UBR1: variants seen among roughly 807,000 people sequenced by gnomAD.
UBR1 encodes ubiquitin protein ligase E3 component n-recognin 1, also known as E3 ubiquitin-protein ligase UBR1.
UBR1 carries 102 observed loss-of-function variants against 242.1 expected under a neutral mutation model. The observed-to-expected ratio is 0.42, with a 90% CI of 0.36 to 0.50. The LOEUF (loss-of-function observed/expected upper bound fraction) is 0.50. Ranked by LOEUF, UBR1 falls within the 20% of genes least tolerant of loss-of-function variation. The pLI, the probability that UBR1 is intolerant of heterozygous loss-of-function variation, is 0.01. For synonymous variants in UBR1, 675 were observed against 684.8 expected (o/e 0.99, Z 0.22); for missense variants, 1,772 against 2,101.8 (o/e 0.84, Z 3.07).
intron 12 of UBR1, among the ~76,000 whole-genome samples, chr15:43,050,029 A>G (rs1325106208): frequency 2.0e-5 from 3 of 152,040 alleles, no homozygotes; most frequent in Non-Finnish European, 2.9e-5. Context: ...ATAGCTCACC[A>G]CAATTTCAAA....
At chr15:43,047,105 T>C in intron 14 of UBR1, 56 bp downstream of exon 14, 1 of 1,596,884 alleles carries the variant, frequency 6.3e-7, no homozygotes, top group Admixed American at 1.7e-5. Context: ...AACTATACTA[T>C]TAATAATTAC....
At chr15:43,026,401 A>G (rs868613147) in intron 23 of UBR1, 160 bp downstream of exon 23, 9 of 613,318 alleles carry the variant, frequency 1.5e-5, no homozygotes, top group African/African-American at 1.3e-4. Context: ...TTGCCTGTAT[A>G]CTAGATAAGA....
intron 1 of UBR1, 47 bp from the exon 2 acceptor site, chr15:43,086,287 T>C (rs1336252293): frequency 3.1e-6 from 5 of 1,606,566 alleles, no homozygotes; most frequent in Non-Finnish European, 4.3e-6. Context: ...AAGTTCCTTC[T>C]TAATCATCTA....
chr15:43,017,003 C>A (rs1239415873), intron 28 of UBR1, 92 bp downstream of exon 28: 15 of 931,150 alleles, frequency 1.6e-5, no homozygotes, highest in Non-Finnish European at 3.5e-6. Flanking sequence ...ACAGGTTTCT[C>A]CTAACAAAAA....
intron 1 of UBR1, among the ~76,000 whole-genome samples, chr15:43,099,955 A>G (rs889984342): frequency 6.6e-6 from 1 of 151,738 alleles, no homozygotes; most frequent in Non-Finnish European, 1.5e-5. Flanking sequence ...AGCTCACTGC[A>G]AGCTCCGCCT....
intron 7 of UBR1, 29 bp from the exon 8 acceptor site, chr15:43,059,854 A>G (rs1057225273): frequency 5.0e-6 from 8 of 1,613,116 alleles, no homozygotes; most frequent in Admixed American, 3.3e-5. Context: ...AACCAAAAAA[A>G]TAGCATTTAA....
intron 1 of UBR1, 99 bp downstream of exon 1, chr15:43,105,843 T>G (rs77466540): frequency 1.7e-6 from 2 of 1,199,898 alleles, no homozygotes; most frequent in Non-Finnish European, 2.5e-6. Context: ...TAACTCCCCC[T>G]CCCCAGAGCC....
At chr15:42,967,228 T>TTG (rs2032121754) in intron 40 of UBR1, among the ~76,000 whole-genome samples, 1 of 148,820 alleles carries the variant, frequency 6.7e-6, no homozygotes, top group Non-Finnish European at 1.5e-5. Flanking sequence ...AGTTTTTTTT[T>TTG]TTTTTTTTTT....
In UBR1 at chr15:43,037,865, C is replaced by G; in HGVS notation, c.1930G>C (p.Val644Leu). The change falls in exon 17 of 47, where the codon GTA becomes CTA. Residue 644 changes from valine to leucine, a missense_variant. Around this residue, in one of 3 missense-constraint regions of UBR1, gnomAD observed 734 missense variants for 893.3 expected, o/e 0.82. Transcript: ENST00000290650. ...FVSFEDFQVE[V>L]LVEYPLRCLV... ...CAACGTAAAGGATATTCCACTAGTA[C>G]CTCTACTTGAAAGTCCTCCTGAAAT... 1 of 1,613,934 alleles carries G rather than the reference C, an allele frequency of 6.2e-7. No individual in the cohort carries two copies. The highest frequency in any genetic ancestry group is 2.2e-5 in the East Asian group (1 of 44,860).
chr15:42,979,330 C>T (rs1007437229), intron 37 of UBR1, among the ~76,000 whole-genome samples: 8 of 151,736 alleles, frequency 5.3e-5, no homozygotes, highest in Admixed American at 2.6e-4. Flanking sequence ...TGAGTCACCA[C>T]GCCTGGCCAT....
intron 23 of UBR1, chr15:43,026,321 T>G (rs1188341603): frequency 9.1e-6 from 4 of 437,764 alleles, no homozygotes; most frequent in African/African-American, 8.1e-5. Flanking sequence ...AAGTCCATGA[T>G]GCTTGATTGA....
chr15:43,079,995 T>G (rs2033957194), intron 3 of UBR1, among the ~76,000 whole-genome samples: 1 of 152,198 alleles, frequency 6.6e-6, no homozygotes, highest in South Asian at 2.1e-4. Context: ...ATGTCAGGAC[T>G]CAGGGAACAC....
intron 37 of UBR1, among the ~76,000 whole-genome samples, chr15:42,981,368 G>C (rs994016704): frequency 6.6e-6 from 1 of 152,092 alleles, no homozygotes; most frequent in Non-Finnish European, 1.5e-5. Context: ...GTGTCTTTTG[G>C]AATGCAGCTT....
chr15:43,055,684 GC>G, intron 11 of UBR1, among the ~76,000 whole-genome samples: 1 of 152,132 alleles, frequency 6.6e-6, no homozygotes. Flanking sequence ...GGAGGCTAAG[GC>G]TGGCAGATCA....
intron 46 of UBR1, among the ~76,000 whole-genome samples, chr15:42,946,880 G>T (rs2031744768): frequency 6.6e-6 from 1 of 152,178 alleles, no homozygotes; most frequent in Non-Finnish European, 1.5e-5. Context: ...GGGTGCAGTG[G>T]CTCATGCCTG....
intron 29 of UBR1, among the ~76,000 whole-genome samples, chr15:43,009,061 G>A (rs1667457093): frequency 6.6e-6 from 1 of 152,350 alleles, no homozygotes; most frequent in Admixed American, 6.5e-5. Flanking sequence ...TGGCAGGACT[G>A]AAAGAGCTAG....
rs560100451 is a variant in UBR1 at position 43,055,046 on chromosome 15, G to A, written c.1282-147C>T. ...ACACAGTCCTTAGTTTCACTGAATA[G>A]CAACTACTAAGAAGTTATTTTCTAA... is the stretch of plus-strand genomic sequence containing the variant. On this transcript the variant is annotated intron_variant, in intron 11 of 46. Coordinates refer to ENST00000290650, the MANE Select transcript of UBR1 (RefSeq NM_174916.3). 1.4e-4 allele frequency: 141 copies of A among 974,114 alleles called. No homozygotes were observed. The South Asian group carries it at 2.1e-3, about 14-fold the overall frequency. The allele number at this position is 974,114 out of a possible 1,614,324, so 60.3% of individuals were successfully genotyped here.
chr15:43,015,910 T>C (rs929076182), intron 28 of UBR1, 41 bp from the exon 29 acceptor site: 3 of 1,588,394 alleles, frequency 1.9e-6, no homozygotes, highest in Non-Finnish European at 2.6e-6. Flanking sequence ...AGATCCACTG[T>C]TAAACATTTA....
chr15:43,059,603 A>G, intron 8 of UBR1, 99 bp downstream of exon 8: 1 of 1,165,062 alleles, frequency 8.6e-7, no homozygotes, highest in Non-Finnish European at 1.2e-6. Context: ...AAAAAAAAAA[A>G]AGAAAAACTT....
Sources: gnomAD v4.1 joint callset for allele counts (sites outside exome capture counted in the v4.1 genomes callset) on GRCh38, gnomAD v4.1.1 for gene constraint, gnomAD v4.1.1 regional missense constraint, MANE v1.5 for transcripts, NCBI Gene and HGNC (gene_info 2026-07-23, HGNC 2026-07-21) for gene names.